The following NBEA variants were observed in gnomAD, a reference collection of about 807,000 sequenced individuals.
The protein encoded by NBEA is neurobeachin.
A neutral mutation model predicts 343.4 loss-of-function variants in NBEA; 44 were observed. The observed-to-expected ratio is 0.13, with a 90% confidence interval of 0.10 to 0.16. The LOEUF is 0.16. Among genes scored for constraint, NBEA ranks in the 10% least tolerant of loss-of-function variants. The pLI is 1.00. For missense variants in NBEA, 2,555 were observed against 3,631.3 expected (o/e 0.70, Z 7.62); for synonymous variants, 1,175 against 1,238.7 (o/e 0.95, Z 1.08).
intron 10 of NBEA, among the ~76,000 whole-genome samples, chr13:35,074,213 CAA>C (rs2064007004): frequency 6.6e-6 from 1 of 151,938 alleles, no homozygotes; most frequent in African/African-American, 2.4e-5. Flanking sequence ...TAGAATGACT[CAA>C]GAAATTAAAT....
chr13:35,500,836 A>G (rs1355762692), intron 41 of NBEA, among the ~76,000 whole-genome samples: 15 of 151,996 alleles, frequency 9.9e-5, no homozygotes, highest in Non-Finnish European at 1.5e-5. Flanking sequence ...GTTATTCAGG[A>G]AAACAGAGTT....
chr13:35,624,309 A>ACC (rs1230217064), intron 48 of NBEA, among the ~76,000 whole-genome samples: 2 of 152,174 alleles, frequency 1.3e-5, no homozygotes, highest in African/African-American at 4.8e-5. Context: ...ATATAGTTTC[A>ACC]AAGTATTACA....
At chr13:35,222,530 T>C (rs2152762526) in intron 33 of NBEA, among the ~76,000 whole-genome samples, 1 of 152,262 alleles carries the variant, frequency 6.6e-6, no homozygotes, top group East Asian at 1.9e-4. Context: ...CTTTTTCTTC[T>C]TTTATGCCCT....
intron 39 of NBEA, among the ~76,000 whole-genome samples, chr13:35,440,387 A>G (rs962888690): frequency 6.6e-6 from 1 of 152,222 alleles, no homozygotes; most frequent in Non-Finnish European, 1.5e-5. Context: ...TGTACACACA[A>G]TCACATTTAC....
intron 45 of NBEA, among the ~76,000 whole-genome samples, chr13:35,581,807 G>A (rs1344237315): frequency 2.0e-5 from 3 of 146,886 alleles, no homozygotes; most frequent in South Asian, 2.1e-4. Context: ...TGGGTGCAGC[G>A]CACCAGCATG....
rs1224521036 is a variant in NBEA at position 34,943,131 on chromosome 13, CT to C, written c.294+18del. 3 of 1,611,836 alleles carry C rather than the reference CT, an allele frequency of 1.9e-6. No homozygotes were observed. The highest frequency in any genetic ancestry group is 2.5e-6 in the Non-Finnish European group (3 of 1,179,380). ...CTCAACCTGGTAAGGAAAAGGCGTG[CT>C]CTCAATCTGCTTCCCCAGTCCCCAC... On this transcript the variant is annotated intron_variant, in intron 1 of 58. Coordinates refer to ENST00000379939, the MANE Select transcript of NBEA (RefSeq NM_001385012.1).
chr13:35,546,491 T>C (rs903825101), intron 41 of NBEA, among the ~76,000 whole-genome samples: 17 of 151,148 alleles, frequency 1.1e-4, no homozygotes, highest in African/African-American at 4.1e-4. Flanking sequence ...TAGAGTTACA[T>C]GATAACTCTT....
intron 58 of NBEA, 124 bp from the exon 59 acceptor site, chr13:35,670,777 G>A: frequency 1.5e-6 from 1 of 668,480 alleles, no homozygotes; most frequent in Non-Finnish European, 2.6e-6. Context: ...TTAAGACTTG[G>A]CAAACCTTGA....
At position 35,472,324 on chromosome 13, in the gene NBEA, C is replaced by A. The variant is rs1307296124; in HGVS notation, c.6449-76C>A. 11 of 1,520,204 alleles carry A rather than the reference C, an allele frequency of 7.2e-6. No homozygotes were observed. The Admixed American group carries it at 1.9e-4, about 27-fold the overall frequency. The allele number at this position is 1,520,204 out of a possible 1,614,324, so 94.2% of individuals were successfully genotyped here. On this transcript the variant is annotated intron_variant, in intron 40 of 58. Transcript: ENST00000379939. ...TCTAGTGCATCCTTACCAATAAAAA[C>A]CTCTGGTACCTTTCTGGGAGGGAGC...
chr13:34,965,862 CTGT>C (rs2059804588), intron 1 of NBEA, among the ~76,000 whole-genome samples: 1 of 151,946 alleles, frequency 6.6e-6, no homozygotes, highest in African/African-American at 2.4e-5. Flanking sequence ...CCAGAATTAT[CTGT>C]TGTTGTTTGT....
intron 41 of NBEA, among the ~76,000 whole-genome samples, chr13:35,544,521 A>G (rs2322669): frequency 0.92 from 139,362 of 152,282 alleles, 64,166 homozygotes; most frequent in East Asian, 1. Context: ...ATTTTTCAAC[A>G]TGATCATCAG....
chr13:35,652,688 CTTTTT>C (rs766315741), intron 53 of NBEA, among the ~76,000 whole-genome samples: 1 of 67,596 alleles, frequency 1.5e-5, no homozygotes. Flanking sequence ...TTCTGGCAGT[CTTTTT>C]TTTTTTTTTT....
At chr13:35,231,958 C>T (rs1175807990) in intron 33 of NBEA, among the ~76,000 whole-genome samples, 3 of 152,074 alleles carry the variant, frequency 2.0e-5, no homozygotes, top group Non-Finnish European at 4.4e-5. Flanking sequence ...CAACAGTGAA[C>T]TATATAATAA....
Position 35,159,757 on chromosome 13 carries a change from T to C in NBEA, c.3586T>C (p.Leu1196=). Residue 1196 remains leucine (L), a synonymous_variant, in exon 22 of 59, where the codon TTA becomes CTA. Transcript: ENST00000379939. ...LLAHMTGSVD[L]TCTSSIIEEK... is the part of the protein sequence containing the mutation. ...TGCTCACATGACCGGTAGCGTAGAC[T>C]TAACTTGTACATCCAGTATAATAGA... 1 of 1,613,288 alleles carries C rather than the reference T, an allele frequency of 6.2e-7. No individual in the cohort carries two copies. Among genetic ancestry groups the C allele is most frequent in the Non-Finnish European group, 8.5e-7 (1 of 1,179,606 alleles).
intron 18 of NBEA, among the ~76,000 whole-genome samples, chr13:35,149,914 C>T (rs1566366348): frequency 6.6e-6 from 1 of 152,140 alleles, no homozygotes. Context: ...AAAAGTGACT[C>T]AACACAAGTA....
chr13:35,476,253 A>G, intron 41 of NBEA: 1 of 1,531,040 alleles, frequency 6.5e-7, no homozygotes, highest in South Asian at 1.1e-5. Context: ...ACACTCAGAA[A>G]TGGATCAAAA....
At chr13:35,426,984 C>T (rs77161129) in intron 38 of NBEA, among the ~76,000 whole-genome samples, 1 of 152,230 alleles carries the variant, frequency 6.6e-6, no homozygotes, top group African/African-American at 2.4e-5. Flanking sequence ...TCAGCTCCAT[C>T]AGGTCCTTTA....
intron 38 of NBEA, among the ~76,000 whole-genome samples, chr13:35,403,230 G>T (rs2043079989): frequency 6.6e-6 from 1 of 151,790 alleles, no homozygotes; most frequent in Non-Finnish European, 1.5e-5. Context: ...TATTTTCTTT[G>T]AAATAGTTAT....
intron 1 of NBEA, among the ~76,000 whole-genome samples, chr13:34,987,134 A>G (rs1400243308): frequency 6.6e-6 from 1 of 151,092 alleles, no homozygotes; most frequent in Non-Finnish European, 1.5e-5. Flanking sequence ...ATGTTTTTGC[A>G]GTGGCTGGTA....
Sources: gnomAD v4.1 joint callset for allele counts (sites outside exome capture counted in the v4.1 genomes callset) on GRCh38, gnomAD v4.1.1 for gene constraint, MANE v1.5 for transcripts, NCBI Gene and HGNC (gene_info 2026-07-23, HGNC 2026-07-21) for gene names.